The following AEBP2 variants were observed in gnomAD, a reference collection of about 807,000 sequenced individuals.
AEBP2 encodes the protein zinc finger protein AEBP2.
Under a neutral mutation model 50.8 loss-of-function variants are expected in AEBP2, and 10 were observed. The observed-to-expected ratio is 0.20, with a 90% confidence interval of 0.12 to 0.33. The LOEUF (loss-of-function observed/expected upper bound fraction) is 0.33. Ranked by LOEUF, AEBP2 falls within the 10% of genes least tolerant of loss-of-function variation. The pLI, the probability that AEBP2 is intolerant of heterozygous loss-of-function variation, is 1.00. For missense variants in AEBP2, 570 were observed against 688.0 expected, an observed-to-expected ratio of 0.83 and a Z score of 1.92; for synonymous variants, 296 against 261.3, an observed-to-expected ratio of 1.13 and a Z score of -1.28.
chr12:19,461,187 C>T (rs886236885), intron 1 of AEBP2, among the ~76,000 whole-genome samples: 1 of 152,134 alleles, frequency 6.6e-6, no homozygotes, highest in Non-Finnish European at 1.5e-5. Flanking sequence ...TGTGTTGTTT[C>T]TTAAATTGCA....
chr12:19,459,528 GC>G (rs1948334814), intron 1 of AEBP2, among the ~76,000 whole-genome samples: 1 of 152,304 alleles, frequency 6.6e-6, no homozygotes, highest in South Asian at 2.1e-4. Flanking sequence ...ACCGCGCCCG[GC>G]CGGGGGAAAC....
chr12:19,422,678 C>T (rs1338586409), intron 1 of AEBP2, among the ~76,000 whole-genome samples: 5 of 151,552 alleles, frequency 3.3e-5, no homozygotes, highest in Admixed American at 6.6e-5. Context: ...TGTAGAAATC[C>T]GTTTTCATTG....
At chr12:19,440,825 C>T (rs2153366111) in intron 1 of AEBP2, 4 of 1,453,286 alleles carry the variant, frequency 2.8e-6, no homozygotes, top group South Asian at 1.2e-5. Context: ...ACAGAACTTC[C>T]TTGTCCATGG....
chr12:19,478,920 A>T (rs1948688574), intron 3 of AEBP2, among the ~76,000 whole-genome samples: 1 of 152,232 alleles, frequency 6.6e-6, no homozygotes, highest in Admixed American at 6.5e-5. Flanking sequence ...CCATGTCCTG[A>T]TGAAAATAAT....
intron 1 of AEBP2, among the ~76,000 whole-genome samples, chr12:19,414,445 G>A (rs954683013): frequency 6.6e-6 from 1 of 152,134 alleles, no homozygotes; most frequent in African/African-American, 2.4e-5. Context: ...CACTGAAATT[G>A]TATGTGCATG....
At chr12:19,497,328 GTTTTTT>G (rs34011915) in intron 4 of AEBP2, among the ~76,000 whole-genome samples, 7 of 78,710 alleles carry the variant, frequency 8.9e-5, no homozygotes, top group African/African-American at 3.1e-4. Context: ...TTCCAAAGGT[GTTTTTT>G]TTTTTTTTTT....
intron 7 of AEBP2, among the ~76,000 whole-genome samples, chr12:19,516,719 C>T (rs1379295934): frequency 6.6e-6 from 1 of 151,928 alleles, no homozygotes; most frequent in African/African-American, 2.4e-5. Flanking sequence ...TTTAATTTTC[C>T]TTACCTGTAT....
chr12:19,456,684 A>G lies in AEBP2; in HGVS notation c.672-5826A>G, dbSNP rs1328091747. 5 of 1,574,158 alleles carry G rather than the reference A, an allele frequency of 3.2e-6. No individual in the cohort carries two copies. In the African/African-American group the frequency reaches 4.1e-5, roughly 13 times the overall value. ...ATCATTGCCATGACGAACATCCTTG[A>G]CAGACACATTCTTGACATTGAAGCC... On this transcript the variant is annotated intron_variant, in intron 1 of 7. Coordinates refer to ENST00000266508, the MANE Select transcript of AEBP2 (RefSeq NM_153207.5).
At chr12:19,470,408 C>T (rs1948553450) in intron 2 of AEBP2, among the ~76,000 whole-genome samples, 2 of 152,288 alleles carry the variant, frequency 1.3e-5, no homozygotes, top group South Asian at 4.1e-4. Flanking sequence ...CCACCCACCT[C>T]GGCCTCCTAA....
intron 5 of AEBP2, among the ~76,000 whole-genome samples, chr12:19,504,034 C>A (rs2120540437): frequency 6.6e-6 from 1 of 152,172 alleles, no homozygotes; most frequent in African/African-American, 2.4e-5. Flanking sequence ...CACCATGTTG[C>A]CCAGGCTAAC....
chr12:19,411,638 CTTG>C (rs1222363901), intron 1 of AEBP2, among the ~76,000 whole-genome samples: 1 of 152,166 alleles, frequency 6.6e-6, no homozygotes, highest in African/African-American at 2.4e-5. Flanking sequence ...ATAATACATA[CTTG>C]TTATTATTAC....
chr12:19,510,929 C>G (rs1592783931), intron 5 of AEBP2, among the ~76,000 whole-genome samples: 1 of 133,974 alleles, frequency 7.5e-6, no homozygotes, highest in Non-Finnish European at 1.5e-5. Context: ...GGCGCAGTCA[C>G]AGCTCCTGGG....
intron 1 of AEBP2, chr12:19,418,855 A>T (rs977323678): frequency 2.6e-5 from 4 of 152,510 alleles, no homozygotes; most frequent in African/African-American, 7.2e-5. Flanking sequence ...TCGAGGCTGC[A>T]GTGAGCCATG....
chr12:19,504,456 G>A (rs1250290267), intron 5 of AEBP2, among the ~76,000 whole-genome samples: 1 of 151,702 alleles, frequency 6.6e-6, no homozygotes. Flanking sequence ...TAGCAAGGAT[G>A]CTCTCGATCT....
rs1036422897 is a variant in AEBP2, at chr12:19,521,185, A to G, written c.*3068A>G. On this transcript the variant is annotated 3_prime_UTR_variant, in exon 8 of 8. Transcript: ENST00000266508. ...TCGATTCCTTTGTCTAGTTGACAAA[A>G]AGTTTGGAAACATAAACTTAGACCA... 6.6e-6 allele frequency: 1 copy of G among 152,214 alleles called. No individual in the cohort carries two copies. Among genetic ancestry groups the G allele is most frequent in the Non-Finnish European group, 1.5e-5 (1 of 68,024 alleles). 9.4% of individuals were successfully genotyped at this position (152,214 alleles called of 1,614,324 possible).
In AEBP2 at chr12:19,457,624, G is replaced by A. The variant is rs185588136; in HGVS notation, c.672-4886G>A. ...TCTACGTGTCCAATGACGACAATGT[G>A]GATATGAGTCTTTTCCTTTCCCATT... On this transcript the variant is annotated intron_variant, in intron 1 of 7. Coordinates refer to ENST00000266508, the MANE Select transcript of AEBP2 (RefSeq NM_153207.5). 2.7e-4 allele frequency: 390 copies of A among 1,441,986 alleles called. No homozygotes were observed. In the African/African-American group the frequency reaches 5.1e-3, roughly 19 times the overall value. The allele number at this position is 1,441,986 out of a possible 1,614,324, so 89.3% of individuals were successfully genotyped here.
intron 2 of AEBP2, among the ~76,000 whole-genome samples, chr12:19,469,773 G>C (rs1948542736): frequency 6.6e-6 from 1 of 152,176 alleles, no homozygotes; most frequent in Non-Finnish European, 1.5e-5. Context: ...TGTTATGTCT[G>C]ATACAACCTA....
At position 19,519,325 on chromosome 12, in the gene AEBP2, T is replaced by C. The variant is rs1277639354; in HGVS notation, c.*1208T>C. 2 of 152,610 alleles carry C rather than the reference T, an allele frequency of 1.3e-5. No homozygotes were observed. The highest frequency in any genetic ancestry group is 2.9e-5 in the Non-Finnish European group (2 of 67,992). 9.5% of individuals were successfully genotyped at this position (152,610 alleles called of 1,614,324 possible). A position where few individuals can be genotyped will look rare whatever the true frequency, so the allele number is the denominator to read the frequency against. ...GAAATAATATTGAAGGATATTGTAC[T>C]TCACTAGTGCTGCCAGAGGAATTGT... On this transcript the variant is annotated 3_prime_UTR_variant, in exon 8 of 8. Transcript: ENST00000266508.
At chr12:19,437,212 C>T (rs986971364), upstream of AEBP2, among the ~76,000 whole-genome samples, 1 of 152,176 alleles carries the variant, frequency 6.6e-6, no homozygotes, top group Non-Finnish European at 1.5e-5. Flanking sequence ...TTAGTTCATT[C>T]TCTTTTTGTA....
Sources: gnomAD v4.1 joint callset for allele counts (sites outside exome capture counted in the v4.1 genomes callset) on GRCh38, gnomAD v4.1.1 for gene constraint, MANE v1.5 for transcripts, NCBI Gene and HGNC (gene_info 2026-07-23, HGNC 2026-07-21) for gene names.